The following DYM variants were observed in gnomAD, a reference collection of about 807,000 sequenced individuals.
DYM encodes dymeclin.
A neutral mutation model predicts 93.1 loss-of-function variants in DYM; 78 were observed. The ratio of observed to expected loss-of-function variants is 0.84; its 90% confidence interval spans 0.70 to 1.01. The LOEUF (loss-of-function observed/expected upper bound fraction) is 1.01, where lower values mean the gene tolerates loss of function less well. Ranked by LOEUF, DYM falls within the 50% of genes least tolerant of loss-of-function variation. The probability of loss-of-function intolerance (pLI) is 0.00; values close to 1 mark genes in which losing one functional copy is unlikely to be tolerated. For synonymous variants in DYM, 321 were observed against 319.7 expected (o/e 1.00, Z -0.04); for missense variants, 789 against 845.0 (o/e 0.93, Z 0.82).
chr18:49,309,709 A>G lies in DYM; in HGVS notation c.763+22155T>C, dbSNP rs1224029267. Among the ~76,000 whole-genome samples, 4 of 152,260 alleles carry G rather than the reference A, an allele frequency of 2.6e-5. No individual in the cohort carries two copies. The East Asian group carries it at 7.7e-4, about 29-fold the overall frequency. On this transcript the variant is annotated intron_variant, in intron 8 of 17. Coordinates refer to ENST00000675505, the MANE Select transcript of DYM (RefSeq NM_001353214.3). Reference sequence around the variant, plus strand: ...GATATATAAAGTACATAATCAATACATAGTATATCTGTGGTCTTAAAATTT... The same window carrying G: ...GATATATAAAGTACATAATCAATACGTAGTATATCTGTGGTCTTAAAATTT...
intron 17 of DYM, among the ~76,000 whole-genome samples, chr18:49,062,610 C>T (rs915803081): frequency 6.6e-6 from 1 of 152,244 alleles, no homozygotes; most frequent in Non-Finnish European, 1.5e-5. Flanking sequence ...CCAGCCCTGA[C>T]TGCCATGCAC....
Position 49,038,469 on chromosome 18 carries a change from T to A in DYM, c.*5586A>T, listed in dbSNP as rs2070784865. On this transcript the variant is annotated 3_prime_UTR_variant, in exon 18 of 18. Transcript: ENST00000675505. The stretch of plus-strand genomic sequence containing the variant: ...TTGCCTTAAAGTTTACTTAAATATA[T>A]CTACACCAGTTTCCTCATGGTTACT... Among the ~76,000 whole-genome samples, 1 of 152,242 alleles carries A rather than the reference T, an allele frequency of 6.6e-6. No homozygotes were observed. The highest frequency in any genetic ancestry group is 1.5e-5 in the Non-Finnish European group (1 of 68,048).
chr18:49,432,927 A>G (rs569375688), intron 1 of DYM, among the ~76,000 whole-genome samples: 2 of 152,328 alleles, frequency 1.3e-5, no homozygotes, highest in South Asian at 4.1e-4. Context: ...CTAGAAATCT[A>G]TAGCTTTTCA....
chr18:49,204,540 A>C (rs1392972100), intron 14 of DYM, among the ~76,000 whole-genome samples: 2 of 152,194 alleles, frequency 1.3e-5, no homozygotes, highest in African/African-American at 4.8e-5. Context: ...AAACTTATTC[A>C]CTACTCCACC....
At chr18:49,360,340 T>C (rs1300093311) in intron 6 of DYM, among the ~76,000 whole-genome samples, 2 of 151,574 alleles carry the variant, frequency 1.3e-5, no homozygotes, top group African/African-American at 4.8e-5. Context: ...AAAAAATATT[T>C]AGGGCTGAGC....
intron 16 of DYM, among the ~76,000 whole-genome samples, chr18:49,109,362 T>A (rs959393162): frequency 2.6e-5 from 4 of 152,220 alleles, no homozygotes; most frequent in Non-Finnish European, 4.4e-5. Context: ...TATCTTCATC[T>A]TTTACTTACT....
intron 10 of DYM, among the ~76,000 whole-genome samples, chr18:49,279,950 T>C (rs2094930302): frequency 6.6e-6 from 1 of 152,224 alleles, no homozygotes; most frequent in Admixed American, 6.5e-5. Context: ...CAGTATTTTA[T>C]ATTTAACACT....
chr18:49,254,397 T>A (rs932562429), intron 13 of DYM, among the ~76,000 whole-genome samples: 1 of 151,408 alleles, frequency 6.6e-6, no homozygotes, highest in African/African-American at 2.4e-5. Flanking sequence ...GAAACTTTAT[T>A]ATTTATTTTG....
chr18:49,213,296 C>CTT (rs36072258), intron 13 of DYM, among the ~76,000 whole-genome samples: 9 of 140,018 alleles, frequency 6.4e-5, no homozygotes, highest in Middle Eastern at 3.8e-3. Context: ...CTTTTTCTAA[C>CTT]TTTTTTTTTT....
chr18:49,334,982 C>T (rs1473388184), intron 6 of DYM, among the ~76,000 whole-genome samples: 1 of 152,158 alleles, frequency 6.6e-6, no homozygotes, highest in Non-Finnish European at 1.5e-5. Flanking sequence ...TGGCGGGCAC[C>T]TGTAATGCCA....
Position 49,282,162 on chromosome 18 carries a change from G to T in DYM, c.960C>A (p.Phe320Leu), listed in dbSNP as rs368726883. Residue 320 changes from phenylalanine (F) to leucine (L), a missense_variant, in exon 10 of 18, where the codon TTC becomes TTA. Around this residue, in one of 3 missense-constraint regions of DYM, gnomAD observed 450 missense variants for 436.2 expected, o/e 1.03. Transcript: ENST00000675505. The part of the protein sequence containing the change: ...SFKNTQDSSP[F>L]PSSIPHAFQI... ...GGAAGGCATGTGGAATTGATGAGGG[G>T]AAAGGACTGCTATCTGGAATACAGA... The T allele has an allele frequency of 1.2e-6, 2 of 1,613,666 alleles. No homozygotes were observed. The highest frequency in any genetic ancestry group is 2.7e-5 in the African/African-American group (2 of 74,868).
chr18:49,073,080 A>C (rs1295437633), intron 17 of DYM, among the ~76,000 whole-genome samples: 1 of 152,240 alleles, frequency 6.6e-6, no homozygotes, highest in East Asian at 1.9e-4. Context: ...TACGTGGATA[A>C]ATAAGAGTAA....
chr18:49,256,008 C>T (rs1459995494), intron 13 of DYM, among the ~76,000 whole-genome samples: 1 of 149,506 alleles, frequency 6.7e-6, no homozygotes, highest in African/African-American at 2.5e-5. Flanking sequence ...GACGTGAACC[C>T]AGGAGGTGGA....
At chr18:49,184,208 T>G (rs911302587) in intron 14 of DYM, among the ~76,000 whole-genome samples, 2 of 150,782 alleles carry the variant, frequency 1.3e-5, no homozygotes, top group South Asian at 2.1e-4. Context: ...AAAACTCTTC[T>G]GTTGGGAAAA....
chr18:49,276,410 T>C (rs982657562), intron 10 of DYM, among the ~76,000 whole-genome samples: 4 of 151,986 alleles, frequency 2.6e-5, no homozygotes, highest in Admixed American at 6.6e-5. Flanking sequence ...CTTACATTTC[T>C]GGGATAAATC....
At chr18:49,138,038 T>G (rs2084043683) in intron 15 of DYM, among the ~76,000 whole-genome samples, 1 of 152,220 alleles carries the variant, frequency 6.6e-6, no homozygotes, top group Non-Finnish European at 1.5e-5. Context: ...GTGTGTAATC[T>G]AATTGCCTTC....
chr18:49,157,604 C>T (rs1286110708), intron 15 of DYM, among the ~76,000 whole-genome samples: 2 of 152,066 alleles, frequency 1.3e-5, no homozygotes, highest in African/African-American at 2.4e-5. Flanking sequence ...ATAATATTTG[C>T]CCATTTTAAA....
In DYM at chr18:49,440,387, A is replaced by ATATATAATATAGCATATTATATATGC. The variant is rs1161763498; in HGVS notation, c.-53-9966_-53-9941dup. On this transcript the variant is annotated intron_variant, in intron 1 of 17. Coordinates refer to ENST00000675505, the MANE Select transcript of DYM (RefSeq NM_001353214.3). Reference sequence around the variant, plus strand: ...TATATAATATAGCATATTATATATGATATATAATATAGCATATTATATATG... The same window carrying ATATATAATATAGCATATTATATATGC: ...TATATAATATAGCATATTATATATGATATATAATATAGCATATTATATATGCTATATAATATAGCATATTATATATG... Among the ~76,000 whole-genome samples the ATATATAATATAGCATATTATATATGC allele has an allele frequency of 3.8e-3, 473 of 125,858 alleles. 15 individuals are homozygous for ATATATAATATAGCATATTATATATGC. Among genetic ancestry groups the ATATATAATATAGCATATTATATATGC allele is most frequent in the South Asian group, 6.9e-3 (29 of 4,184 alleles). The allele number at this position is 125,858 out of a possible 152,430, so 82.6% of individuals were successfully genotyped here.
chr18:49,409,360 T>C (rs1405109275), intron 2 of DYM, among the ~76,000 whole-genome samples: 2 of 152,042 alleles, frequency 1.3e-5, no homozygotes, highest in Non-Finnish European at 2.9e-5. Flanking sequence ...TATTTGTTCA[T>C]TATAAAGACA....
Sources: allele counts gnomAD v4.1 joint callset (sites outside exome capture counted in the v4.1 genomes callset), GRCh38; gene constraint gnomAD v4.1.1; regional missense constraint gnomAD v4.1.1; transcripts MANE v1.5; gene names NCBI Gene and HGNC (gene_info 2026-07-23, HGNC 2026-07-21).